TMEM68: variants seen among roughly 807,000 people sequenced by gnomAD.
The protein encoded by TMEM68 is DGAT1/2-independent enzyme synthesizing storage lipids.
A neutral mutation model predicts 36.9 loss-of-function variants in TMEM68; 25 were observed. The ratio of observed to expected loss-of-function variants is 0.68; its 90% confidence interval spans 0.49 to 0.95. The LOEUF (loss-of-function observed/expected upper bound fraction) is 0.95, where lower values mean the gene tolerates loss of function less well. Ranked by LOEUF, TMEM68 falls within the 40% of genes least tolerant of loss-of-function variation. The probability of loss-of-function intolerance (pLI) is 0.00; values close to 1 mark genes in which losing one functional copy is unlikely to be tolerated. For missense variants in TMEM68, 333 were observed against 392.0 expected, an observed-to-expected ratio of 0.85 and a Z score of 1.27; for synonymous variants, 131 against 124.4, an observed-to-expected ratio of 1.05 and a Z score of -0.35.
intron 4 of TMEM68, chr8:55,751,662 A>G (rs1415200440): frequency 4.0e-6 from 1 of 247,784 alleles, no homozygotes; most frequent in African/African-American, 2.4e-5. Flanking sequence ...TGCTAATTCT[A>G]TAATTAAATT....
At chr8:55,773,013 A>G (rs1211750268) in intron 1 of TMEM68, 2 of 152,466 alleles carry the variant, frequency 1.3e-5, no homozygotes, top group East Asian at 1.9e-4. Flanking sequence ...AGGGGCGGGG[A>G]GAGCAGGCTC....
rs1810840617 is a variant in TMEM68, at chr8:55,762,849, A to G, written c.111T>C (p.Tyr37=). Reference sequence around the variant, plus strand: ...ACAAGAGATAGTTTGCAAAATTCAAATAGTCCTCCAACTGCTCCACACCAA... The same window carrying G: ...ACAAGAGATAGTTTGCAAAATTCAAGTAGTCCTCCAACTGCTCCACACCAA... The part of the protein sequence containing the change: ...EWFGVEQLED[Y]LNFANYLLWV... The change falls in exon 3 of 8, where the codon TAT becomes TAC. Residue 37 remains tyrosine (Y), a synonymous_variant. Coordinates refer to ENST00000434581, the MANE Select transcript of TMEM68 (RefSeq NM_001286657.2). 6.2e-7 allele frequency: 1 copy of G among 1,614,192 alleles called. No homozygotes were observed. The highest frequency in any genetic ancestry group is 2.2e-5 in the East Asian group (1 of 44,874).
At chr8:55,742,653 C>T (rs1353580293) in intron 7 of TMEM68, among the ~76,000 whole-genome samples, 1 of 152,136 alleles carries the variant, frequency 6.6e-6, no homozygotes, top group African/African-American at 2.4e-5. Context: ...TATCCTCCTA[C>T]CTCAGCCTCC....
chr8:55,741,808 A>G (rs1172266234), intron 7 of TMEM68, among the ~76,000 whole-genome samples: 1 of 152,260 alleles, frequency 6.6e-6, no homozygotes, highest in African/African-American at 2.4e-5. Context: ...AGGCTTTAAA[A>G]TTAATTTCAA....
At chr8:55,762,553 C>CA in intron 3 of TMEM68, 82 bp downstream of exon 3, 1 of 1,588,894 alleles carries the variant, frequency 6.3e-7, no homozygotes, top group Non-Finnish European at 8.6e-7. Context: ...AGTATCTTCT[C>CA]AATCAATAAA....
At chr8:55,751,268 CTTT>C in intron 4 of TMEM68, 111 bp from the exon 5 acceptor site, 2 of 963,228 alleles carry the variant, frequency 2.1e-6, no homozygotes, top group Non-Finnish European at 3.0e-6. Context: ...AATCAGTAAA[CTTT>C]TTTACTTGTT....
rs1277545333 is a variant in TMEM68, at chr8:55,759,620, A to G, written c.325+3015T>C. Among the ~76,000 whole-genome samples the G allele has an allele frequency of 3.9e-5, 6 of 152,224 alleles. No homozygotes were observed. In the East Asian group the frequency reaches 1.2e-3, roughly 29 times the overall value. ...TAAAACTAAAAAATACATATTTTTAAAACAGGAAAAATTATTAGTGACTGA... is the reference window on the plus strand; with the variant it reads ...TAAAACTAAAAAATACATATTTTTAGAACAGGAAAAATTATTAGTGACTGA... On this transcript the variant is annotated intron_variant, in intron 3 of 7. Coordinates refer to ENST00000434581, the MANE Select transcript of TMEM68 (RefSeq NM_001286657.2).
At chr8:55,772,625 G>C (rs1461749442) in intron 1 of TMEM68, among the ~76,000 whole-genome samples, 1 of 152,188 alleles carries the variant, frequency 6.6e-6, no homozygotes, top group Admixed American at 6.5e-5. Flanking sequence ...ACAAAGGAAA[G>C]GTGTAATATA....
intron 1 of TMEM68, among the ~76,000 whole-genome samples, chr8:55,770,959 C>T (rs1811137001): frequency 6.6e-6 from 1 of 152,040 alleles, no homozygotes; most frequent in African/African-American, 2.4e-5. Flanking sequence ...AGTTCGAGAC[C>T]AGCCTGACCA....
Position 55,740,062 on chromosome 8 carries a change from G to C in TMEM68, c.*70C>G. The C allele has an allele frequency of 8.0e-7, 1 of 1,257,724 alleles. No homozygotes were observed. The allele number at this position is 1,257,724 out of a possible 1,614,324, so 77.9% of individuals were successfully genotyped here. A position where few individuals can be genotyped will look rare whatever the true frequency, so the allele number is the denominator to read the frequency against. On this transcript the variant is annotated 3_prime_UTR_variant, in exon 8 of 8. Transcript: ENST00000434581. ...CTAATTATAGGACCTACAAAATTCA[G>C]AAGACAGTACCTTAGATACAAACAT...
chr8:55,743,528 G>A lies in TMEM68; in HGVS notation c.841C>T (p.Pro281Ser). 6.5e-7 allele frequency: 1 copy of A among 1,535,702 alleles called. No homozygotes were observed. The highest frequency in any genetic ancestry group is 8.7e-7 in the Non-Finnish European group (1 of 1,146,692). ...PVKLRTYLGD[P>S]IPYDPQITAE... is the part of the protein sequence containing the mutation. ...GTTATCTGTGGGTCATACGGAATGG[G>A]GTCGCCTAAATAGGTCCGTAACTTC... The change falls in exon 7 of 8, where the codon CCC becomes TCC. Residue 281 changes from proline to serine, a missense_variant. By Grantham distance (74) the Pro-to-Ser change is moderately conservative. Coordinates refer to ENST00000434581, the MANE Select transcript of TMEM68 (RefSeq NM_001286657.2).
chr8:55,770,925 G>A (rs1412545850), intron 1 of TMEM68, among the ~76,000 whole-genome samples: 1 of 152,182 alleles, frequency 6.6e-6, no homozygotes, highest in Non-Finnish European at 1.5e-5. Flanking sequence ...CGAAGCAGCG[G>A]CAGGAGGATC....
intron 1 of TMEM68, among the ~76,000 whole-genome samples, chr8:55,768,307 G>A (rs995395542): frequency 6.6e-6 from 1 of 152,140 alleles, no homozygotes; most frequent in African/African-American, 2.4e-5. Flanking sequence ...ATGAATGGGA[G>A]AAAATGAATT....
At chr8:55,751,422 GAAT>G (rs749569081) in intron 4 of TMEM68, 3 of 430,892 alleles carry the variant, frequency 7.0e-6, no homozygotes, top group East Asian at 5.5e-5. Context: ...TGGGCTTACA[GAAT>G]AATAGCTTGC....
chr8:55,760,213 G>A (rs1319146533), intron 3 of TMEM68, among the ~76,000 whole-genome samples: 1 of 152,262 alleles, frequency 6.6e-6, no homozygotes, highest in African/African-American at 2.4e-5. Flanking sequence ...ATCCAACTAT[G>A]CCTCAGAGGA....
intron 4 of TMEM68, among the ~76,000 whole-genome samples, chr8:55,754,680 A>ATATATATTATATATAAAATACATACT (rs1491411423): frequency 2.9e-5 from 3 of 102,772 alleles, no homozygotes; most frequent in Non-Finnish European, 5.8e-5. Flanking sequence ...ATATTATGTA[A>ATATATATTATATATAAAATACATACT]TATATATTAT....
In TMEM68 at chr8:55,773,324, T is replaced by C. The variant is rs1045269223; in HGVS notation, c.-170A>G. 4 of 288,122 alleles carry C rather than the reference T, an allele frequency of 1.4e-5. No individual in the cohort carries two copies. Among genetic ancestry groups the C allele is most frequent in the African/African-American group, 4.4e-5 (2 of 45,464 alleles). 17.8% of individuals were successfully genotyped at this position (288,122 alleles called of 1,614,324 possible). On this transcript the variant is annotated 5_prime_UTR_variant, in exon 1 of 8. Transcript: ENST00000434581. ...ATCAGTGGCCAAGGGGGCGGACAGATTTGCACGGCGGATTCCTCCGAAGCA... is the reference window on the plus strand; with the variant it reads ...ATCAGTGGCCAAGGGGGCGGACAGACTTGCACGGCGGATTCCTCCGAAGCA...
chr8:55,769,320 C>G (rs1262470932), intron 1 of TMEM68, among the ~76,000 whole-genome samples: 3 of 3,742 alleles, frequency 8.0e-4, no homozygotes, highest in Non-Finnish European at 1.9e-3. Context: ...AGAATCCCAT[C>G]TCAAAAAAAA....
At chr8:55,772,736 C>T (rs1811222008) in intron 1 of TMEM68, among the ~76,000 whole-genome samples, 1 of 152,188 alleles carries the variant, frequency 6.6e-6, no homozygotes, top group Non-Finnish European at 1.5e-5. Context: ...GGTGAAGTTG[C>T]CTGCCCAGGT....
Sources: allele counts gnomAD v4.1 joint callset (sites outside exome capture counted in the v4.1 genomes callset), GRCh38; gene constraint gnomAD v4.1.1; transcripts MANE v1.5; gene names NCBI Gene and HGNC (gene_info 2026-07-23, HGNC 2026-07-21).